OPN3: variants seen among roughly 807,000 people sequenced by gnomAD.
OPN3 encodes opsin 3, also known as opsin-3.
OPN3 carries 29 observed loss-of-function variants against 33.8 expected under a neutral mutation model. The observed-to-expected ratio is 0.86, with a 90% CI of 0.64 to 1.17. The LOEUF (loss-of-function observed/expected upper bound fraction) is 1.17. Among genes scored for constraint, OPN3 ranks in the 50% most tolerant of loss-of-function variants. OPN3 has a pLI of 0.00. For synonymous variants in OPN3, 216 were observed against 216.1 expected (o/e 1.00, Z 0.00); for missense variants, 437 against 514.1 (o/e 0.85, Z 1.45).
chr1:241,615,369 C>T (rs139535887), intron 1 of OPN3, among the ~76,000 whole-genome samples: 1,742 of 152,212 alleles, frequency 0.011, 15 homozygotes, highest in Non-Finnish European at 0.016. Flanking sequence ...AAAATTATTT[C>T]GTGAACACAG....
chr1:241,598,026 C>A (rs529413810), intron 2 of OPN3, 29 bp from the exon 3 acceptor site: 2 of 1,599,080 alleles, frequency 1.3e-6, no homozygotes, highest in African/African-American at 2.7e-5. Flanking sequence ...AAGGAAAGGG[C>A]TTAAAAAACA....
chr1:241,627,325 T>A (rs183817472), intron 1 of OPN3, among the ~76,000 whole-genome samples: 17 of 152,326 alleles, frequency 1.1e-4, no homozygotes, highest in Admixed American at 1.0e-3. Context: ...AATAGTGCTT[T>A]ATGTGTTACA....
intron 1 of OPN3, chr1:241,635,870 C>G (rs1311561089): frequency 7.5e-6 from 9 of 1,197,514 alleles, no homozygotes; most frequent in Non-Finnish European, 8.2e-6. Flanking sequence ...ATCCCAGAAG[C>G]ACTGAAGTTG....
chr1:241,609,475 G>A lies in OPN3; in HGVS notation c.374-4896C>T, dbSNP rs114857122. Among the ~76,000 whole-genome samples, 750 of 152,316 alleles carry A rather than the reference G, an allele frequency of 4.9e-3. 6 individuals carry two copies. The highest frequency in any genetic ancestry group is 0.017 in the African/African-American group (714 of 41,560). On this transcript the variant is annotated intron_variant, in intron 1 of 3. Transcript: ENST00000366554. ...GTGGTAAAGTGATGTCTGTGCCTTCGCTGCAAAGCTGCAGATGGATCAGGT... is the reference window on the plus strand; with the variant it reads ...GTGGTAAAGTGATGTCTGTGCCTTCACTGCAAAGCTGCAGATGGATCAGGT...
chr1:241,634,377 A>G, intron 1 of OPN3: 1 of 1,613,926 alleles, frequency 6.2e-7, no homozygotes, highest in East Asian at 2.2e-5. Context: ...TTTAGTATAG[A>G]CTGATCTGTA....
In OPN3 at chr1:241,631,132, T is replaced by C. The variant is rs200135976; in HGVS notation, c.373+8750A>G. 7.9e-5 allele frequency: 12 copies of C among 152,258 alleles called. No homozygotes were observed. In the East Asian group the frequency reaches 2.3e-3, roughly 29 times the overall value. The allele number at this position is 152,258 out of a possible 1,614,324, so 9.4% of individuals were successfully genotyped here. ...AGTCCAACCTGTCAGAAAATTATAC[T>C]GGGTTACAATATCCCCTAAATTTTT... On this transcript the variant is annotated intron_variant, in intron 1 of 3. Coordinates refer to ENST00000366554, the MANE Select transcript of OPN3 (RefSeq NM_014322.3).
chr1:241,622,192 T>C (rs1440968737), intron 1 of OPN3, among the ~76,000 whole-genome samples: 4 of 152,178 alleles, frequency 2.6e-5, no homozygotes, highest in Non-Finnish European at 4.4e-5. Flanking sequence ...CTCATGGAGT[T>C]GAGACAAAAA....
intron 1 of OPN3, chr1:241,628,706 A>G (rs1664497307): frequency 6.6e-6 from 1 of 152,206 alleles, no homozygotes. Flanking sequence ...ATCTTGACCA[A>G]GAATTCCTCC....
intron 1 of OPN3, among the ~76,000 whole-genome samples, chr1:241,611,493 C>CAAAA (rs10645786): frequency 3.2e-5 from 4 of 123,174 alleles, no homozygotes; most frequent in African/African-American, 6.0e-5. Flanking sequence ...TTAACAAGGC[C>CAAAA]AAAAAAAAAA....
chr1:241,623,228 C>A (rs998552101), intron 1 of OPN3, among the ~76,000 whole-genome samples: 8 of 152,148 alleles, frequency 5.3e-5, no homozygotes, highest in African/African-American at 1.9e-4. Context: ...CTTCTGATTT[C>A]TCTTCCATTT....
At chr1:241,618,589 C>T (rs1476055660) in intron 1 of OPN3, among the ~76,000 whole-genome samples, 3 of 152,222 alleles carry the variant, frequency 2.0e-5, no homozygotes, top group African/African-American at 7.2e-5. Context: ...CCAAGAGGTG[C>T]AGCGCAGAGG....
In OPN3 at chr1:241,594,029, T is replaced by A. The variant is rs1663416995; in HGVS notation, c.*399A>T. 1 of 176,476 alleles carries A rather than the reference T, an allele frequency of 5.7e-6. No individual in the cohort carries two copies. Among genetic ancestry groups the A allele is most frequent in the Admixed American group, 5.7e-5 (1 of 17,546 alleles). The allele number at this position is 176,476 out of a possible 1,614,324, so 10.9% of individuals were successfully genotyped here. A position where few individuals can be genotyped will look rare whatever the true frequency, so the allele number is the denominator to read the frequency against. ...ATAGAGTCCAACAGTACAAAAAAAA[T>A]TCAGTATGTTCTAGCTACTTCACAC... On this transcript the variant is annotated 3_prime_UTR_variant, in exon 4 of 4. Transcript: ENST00000366554.
At chr1:241,606,493 C>T (rs145236241) in intron 1 of OPN3, among the ~76,000 whole-genome samples, 2 of 151,316 alleles carry the variant, frequency 1.3e-5, no homozygotes, top group African/African-American at 4.9e-5. Context: ...TGCAGTGAGC[C>T]GAGTTCGTGC....
chr1:241,624,292 C>T (rs1664351429), intron 1 of OPN3, among the ~76,000 whole-genome samples: 1 of 152,086 alleles, frequency 6.6e-6, no homozygotes, highest in South Asian at 2.1e-4. Flanking sequence ...GACCCTCTTT[C>T]ACCTGTCCTG....
Position 241,594,161 on chromosome 1 carries a change from C to A in OPN3, c.*267G>T. The A allele has an allele frequency of 2.7e-6, 1 of 375,686 alleles. No individual in the cohort carries two copies. Among genetic ancestry groups the A allele is most frequent in the Admixed American group, 4.3e-5 (1 of 23,180 alleles). 23.3% of individuals were successfully genotyped at this position (375,686 alleles called of 1,614,324 possible). ...AAAATATATTTGAAATGAAAATCTCCAACACATTAGAAGATGATGATGTTA... is the reference window on the plus strand; with the variant it reads ...AAAATATATTTGAAATGAAAATCTCAAACACATTAGAAGATGATGATGTTA... On this transcript the variant is annotated 3_prime_UTR_variant, in exon 4 of 4. Transcript: ENST00000366554.
chr1:241,594,197 G>A lies in OPN3; in HGVS notation c.*231C>T, dbSNP rs537850817. ...AAGATGATGATGTTAGATGCCCATC[G>A]TGTGCCACAAGTGGTTTTTTCATTA... On this transcript the variant is annotated 3_prime_UTR_variant, in exon 4 of 4. Transcript: ENST00000366554. 6.6e-4 allele frequency: 293 copies of A among 444,172 alleles called. 1 individual carries two copies. Among genetic ancestry groups the A allele is most frequent in the African/African-American group, 5.4e-3 (268 of 50,030 alleles). The allele number at this position is 444,172 out of a possible 1,614,324, so 27.5% of individuals were successfully genotyped here. A position where few individuals can be genotyped will look rare whatever the true frequency, so the allele number is the denominator to read the frequency against.
At chr1:241,604,110 G>C (rs1055096422) in intron 2 of OPN3, 150 bp downstream of exon 2, 1 of 655,956 alleles carries the variant, frequency 1.5e-6, no homozygotes, top group Non-Finnish European at 2.7e-6. Context: ...GTGACTCATA[G>C]CATAAAATTC....
chr1:241,627,440 A>C (rs1004202906), intron 1 of OPN3, among the ~76,000 whole-genome samples: 4 of 152,224 alleles, frequency 2.6e-5, no homozygotes, highest in Admixed American at 1.3e-4. Context: ...AGTCCAGGCA[A>C]GTCACTTAAC....
At chr1:241,634,609 G>A in intron 1 of OPN3, 1 of 1,613,776 alleles carries the variant, frequency 6.2e-7, no homozygotes, top group African/African-American at 1.3e-5. Context: ...AGAAACCCTG[G>A]GGAATTTCTC....
Sources: gnomAD v4.1 joint callset for allele counts (sites outside exome capture counted in the v4.1 genomes callset) on GRCh38, gnomAD v4.1.1 for gene constraint, MANE v1.5 for transcripts, NCBI Gene and HGNC (gene_info 2026-07-23, HGNC 2026-07-21) for gene names.